The following PPP3CA variants were observed in gnomAD, a reference collection of about 807,000 sequenced individuals.
The protein encoded by PPP3CA is CAM-PRP catalytic subunit.
A neutral mutation model predicts 66.5 loss-of-function variants in PPP3CA; 14 were observed. The observed-to-expected ratio is 0.21, with a 90% CI of 0.14 to 0.33. The LOEUF is 0.33. Among genes scored for constraint, PPP3CA ranks in the 10% least tolerant of loss-of-function variants. The pLI, the probability that PPP3CA is intolerant of heterozygous loss-of-function variation, is 1.00. For synonymous variants in PPP3CA, 232 were observed against 226.2 expected (o/e 1.03, Z -0.23); for missense variants, 317 against 639.5 (o/e 0.50, Z 5.44).
chr4:101,107,356 T>C (rs1730798188), intron 3 of PPP3CA, among the ~76,000 whole-genome samples: 1 of 152,250 alleles, frequency 6.6e-6, no homozygotes, highest in African/African-American at 2.4e-5. Context: ...GGTTCTGTTT[T>C]GCAACGTAGA....
chr4:101,209,418 A>G (rs1725234630), intron 1 of PPP3CA, among the ~76,000 whole-genome samples: 1 of 152,138 alleles, frequency 6.6e-6, no homozygotes, highest in Non-Finnish European at 1.5e-5. Context: ...AACAAAACAA[A>G]CAATAATCAG....
intron 2 of PPP3CA, among the ~76,000 whole-genome samples, chr4:101,128,045 T>A (rs1044748723): frequency 6.6e-6 from 1 of 152,184 alleles, no homozygotes; most frequent in Non-Finnish European, 1.5e-5. Context: ...TCTGCCATCA[T>A]AAGCCCCTGA....
intron 1 of PPP3CA, among the ~76,000 whole-genome samples, chr4:101,265,431 T>C (rs1727140032): frequency 6.6e-6 from 1 of 152,124 alleles, no homozygotes; most frequent in African/African-American, 2.4e-5. Context: ...CTTCAAGATA[T>C]TTAATCATGA....
intron 1 of PPP3CA, among the ~76,000 whole-genome samples, chr4:101,262,061 A>G (rs1460558505): frequency 6.6e-6 from 1 of 152,132 alleles, no homozygotes; most frequent in African/African-American, 2.4e-5. Context: ...AATGAATTAA[A>G]AACTGACCAG....
intron 1 of PPP3CA, among the ~76,000 whole-genome samples, chr4:101,229,697 G>C (rs1441975499): frequency 6.6e-6 from 1 of 151,526 alleles, no homozygotes; most frequent in African/African-American, 2.4e-5. Flanking sequence ...TAACCCTTGG[G>C]CCAAATGTTG....
At chr4:101,070,306 G>A (rs62305887) in intron 8 of PPP3CA, among the ~76,000 whole-genome samples, 28,107 of 151,980 alleles carry the variant, frequency 0.18, 2,816 homozygotes, top group Middle Eastern at 0.31. Context: ...GAAACACAAA[G>A]CATATAACTA....
intron 1 of PPP3CA, among the ~76,000 whole-genome samples, chr4:101,275,247 T>C (rs1024661643): frequency 6.6e-6 from 1 of 152,190 alleles, no homozygotes; most frequent in Non-Finnish European, 1.5e-5. Flanking sequence ...ACTAACTTAT[T>C]TGGTTAACTG....
At chr4:101,292,785 T>C (rs993111518) in intron 1 of PPP3CA, among the ~76,000 whole-genome samples, 8 of 152,226 alleles carry the variant, frequency 5.3e-5, no homozygotes, top group African/African-American at 1.9e-4. Context: ...AGCATGTTCC[T>C]GAAAAGTTTT....
At chr4:101,162,015 G>A (rs939023588) in intron 2 of PPP3CA, among the ~76,000 whole-genome samples, 11 of 152,266 alleles carry the variant, frequency 7.2e-5, no homozygotes, top group African/African-American at 1.9e-4. Context: ...CGAGGCTGGC[G>A]GATCACCTGA....
intron 6 of PPP3CA, 111 bp from the exon 7 acceptor site, chr4:101,083,374 C>A: frequency 1.0e-6 from 1 of 958,772 alleles, no homozygotes. Context: ...ATCAAACATA[C>A]ATCATTCATG....
chr4:101,332,947 A>G (rs1729436533), intron 1 of PPP3CA, among the ~76,000 whole-genome samples: 1 of 152,148 alleles, frequency 6.6e-6, no homozygotes, highest in Non-Finnish European at 1.5e-5. Flanking sequence ...CTTGTTAACC[A>G]TCTAACAGAA....
chr4:101,097,617 T>G (rs1730254058), intron 5 of PPP3CA, among the ~76,000 whole-genome samples: 1 of 152,160 alleles, frequency 6.6e-6, no homozygotes, highest in African/African-American at 2.4e-5. Context: ...CACTGCGATT[T>G]TTTATTACTC....
At chr4:101,139,984 T>C (rs2110290530) in intron 2 of PPP3CA, among the ~76,000 whole-genome samples, 1 of 152,276 alleles carries the variant, frequency 6.6e-6, no homozygotes, top group South Asian at 2.1e-4. Flanking sequence ...CATACAATTT[T>C]AGCTGTTGGT....
At chr4:101,261,550 C>T (rs1352244213) in intron 1 of PPP3CA, among the ~76,000 whole-genome samples, 3 of 151,952 alleles carry the variant, frequency 2.0e-5, no homozygotes, top group African/African-American at 7.2e-5. Context: ...TTTGCAAACA[C>T]CACAGTTAAC....
At chr4:101,086,020 G>A (rs182098273) in intron 6 of PPP3CA, among the ~76,000 whole-genome samples, 95 of 152,200 alleles carry the variant, frequency 6.2e-4, no homozygotes, top group Admixed American at 1.5e-3. Flanking sequence ...TTAGCTACAG[G>A]GAGGGGCGGT....
chr4:101,220,114 G>T (rs1725576876), intron 1 of PPP3CA, among the ~76,000 whole-genome samples: 1 of 151,672 alleles, frequency 6.6e-6, no homozygotes, highest in Non-Finnish European at 1.5e-5. Flanking sequence ...ATATTTAACT[G>T]CCACTTATAT....
intron 1 of PPP3CA, among the ~76,000 whole-genome samples, chr4:101,298,841 C>CTGTGTGTGTG (rs57507050): frequency 1.4e-4 from 19 of 139,986 alleles, no homozygotes; most frequent in South Asian, 7.0e-4. Flanking sequence ...CAAGGGTCTA[C>CTGTGTGTGTG]TGTGTGTGTG....
chr4:101,193,275 C>T (rs1023613610), intron 2 of PPP3CA, among the ~76,000 whole-genome samples: 6 of 152,080 alleles, frequency 3.9e-5, no homozygotes, highest in Non-Finnish European at 7.3e-5. Flanking sequence ...AAATGTGTTG[C>T]CTCACTGATT....
intron 10 of PPP3CA, among the ~76,000 whole-genome samples, chr4:101,043,649 C>A (rs953589674): frequency 1.8e-4 from 27 of 151,680 alleles, no homozygotes; most frequent in Admixed American, 1.6e-3. Flanking sequence ...CTGAGGTGGG[C>A]GGATCACGAG....
Sources: gnomAD v4.1 joint callset for allele counts (sites outside exome capture counted in the v4.1 genomes callset) on GRCh38, gnomAD v4.1.1 for gene constraint, MANE v1.5 for transcripts, NCBI Gene and HGNC (gene_info 2026-07-23, HGNC 2026-07-21) for gene names.